PTPRD: variants seen among roughly 807,000 people sequenced by gnomAD.
The protein encoded by PTPRD is receptor-type tyrosine-protein phosphatase delta.
In PTPRD, 34 loss-of-function variants were observed where a neutral mutation model predicts 214.5. The observed-to-expected ratio is 0.16, with a 90% CI of 0.12 to 0.21. The LOEUF (loss-of-function observed/expected upper bound fraction) is 0.21, where lower values mean the gene tolerates loss of function less well. Among genes scored for constraint, PTPRD ranks in the 10% least tolerant of loss-of-function variants. The pLI is 1.00. For synonymous variants in PTPRD, 1,128 were observed against 845.7 expected (o/e 1.33, Z -5.79); for missense variants, 2,545 against 2,398.7 (o/e 1.06, Z -1.27).
intron 11 of PTPRD, among the ~76,000 whole-genome samples, chr9:8,751,370 CTG>C (rs1454178163): frequency 6.6e-6 from 1 of 151,180 alleles, no homozygotes; most frequent in Non-Finnish European, 1.5e-5. Flanking sequence ...ACTTTTCAAT[CTG>C]TGATTCCGGA....
At chr9:9,994,728 T>G (rs751340407) in intron 4 of PTPRD, among the ~76,000 whole-genome samples, 1 of 152,188 alleles carries the variant, frequency 6.6e-6, no homozygotes, top group Non-Finnish European at 1.5e-5. Flanking sequence ...TATTTACAAT[T>G]GAACAAATGT....
intron 6 of PTPRD, among the ~76,000 whole-genome samples, chr9:9,753,149 T>G (rs1180669588): frequency 6.6e-6 from 1 of 152,068 alleles, no homozygotes; most frequent in Non-Finnish European, 1.5e-5. Context: ...ATATTTTCAG[T>G]TTTTATAGGA....
intron 2 of PTPRD, among the ~76,000 whole-genome samples, chr9:10,400,797 C>G (rs1047049439): frequency 6.6e-6 from 1 of 151,518 alleles, no homozygotes; most frequent in African/African-American, 2.4e-5. Context: ...TATTGTCCCT[C>G]ATAACCAATG....
intron 7 of PTPRD, among the ~76,000 whole-genome samples, chr9:9,679,289 A>G (rs1393797513): frequency 6.6e-6 from 1 of 151,734 alleles, no homozygotes; most frequent in African/African-American, 2.4e-5. Context: ...GCTACACACA[A>G]AAGATGGCAC....
At chr9:8,925,306 G>C (rs1379615540) in intron 11 of PTPRD, among the ~76,000 whole-genome samples, 2 of 152,028 alleles carry the variant, frequency 1.3e-5, no homozygotes, top group African/African-American at 2.4e-5. Flanking sequence ...GGCAGGGATG[G>C]TGTAGGATGG....
intron 33 of PTPRD, among the ~76,000 whole-genome samples, chr9:8,450,316 T>C (rs2095885773): frequency 6.6e-6 from 1 of 152,194 alleles, no homozygotes; most frequent in South Asian, 2.1e-4. Context: ...AGAGAGTAGA[T>C]GCCGTAGATT....
At chr9:10,054,181 T>C (rs565014887) in intron 3 of PTPRD, among the ~76,000 whole-genome samples, 3 of 152,278 alleles carry the variant, frequency 2.0e-5, no homozygotes, top group Admixed American at 6.5e-5. Flanking sequence ...CAATGGCCAA[T>C]GATGGAAACA....
intron 5 of PTPRD, among the ~76,000 whole-genome samples, chr9:9,868,035 G>A (rs2064427333): frequency 1.3e-5 from 2 of 152,122 alleles, no homozygotes; most frequent in South Asian, 4.1e-4. Context: ...GACTTGGTAG[G>A]AAAAACGGCC....
chr9:8,947,317 G>C (rs2154299953), intron 11 of PTPRD, among the ~76,000 whole-genome samples: 1 of 151,786 alleles, frequency 6.6e-6, no homozygotes, highest in East Asian at 1.9e-4. Flanking sequence ...CAAAAAGTTA[G>C]CTGGGCATAG....
rs74898324 is a variant in PTPRD, at chr9:8,548,333, G to A, written c.353-19554C>T. The stretch of plus-strand genomic sequence containing the variant: ...ACTGTGACAAGCTGGAAGGAATCTG[G>A]GGTTCATGTGTTAGGTTGTATATGC... On this transcript the variant is annotated intron_variant, in intron 14 of 45. Coordinates refer to ENST00000381196, the MANE Select transcript of PTPRD (RefSeq NM_002839.4). Among the ~76,000 whole-genome samples the A allele has an allele frequency of 6.3e-3, 965 of 152,154 alleles. 4 individuals carry two copies. The highest frequency in any genetic ancestry group is 0.011 in the Non-Finnish European group (726 of 67,974).
chr9:10,074,071 G>C (rs1248980663), intron 3 of PTPRD, among the ~76,000 whole-genome samples: 1 of 152,056 alleles, frequency 6.6e-6, no homozygotes, highest in African/African-American at 2.4e-5. Flanking sequence ...CCTTGTGTAA[G>C]CTGTCACAGA....
At chr9:9,823,003 A>C (rs1433281871) in intron 5 of PTPRD, among the ~76,000 whole-genome samples, 1 of 152,148 alleles carries the variant, frequency 6.6e-6, no homozygotes, top group Non-Finnish European at 1.5e-5. Flanking sequence ...TATACTGAAG[A>C]GGTTTCTACA....
intron 9 of PTPRD, among the ~76,000 whole-genome samples, chr9:9,391,360 A>T (rs571905713): frequency 1.7e-4 from 26 of 152,312 alleles, no homozygotes; most frequent in African/African-American, 6.3e-4. Context: ...TTATCAAAAT[A>T]AAAGAATAAA....
Position 8,317,112 on chromosome 9 carries a change from A to C in PTPRD, c.*762T>G. 4.3e-6 allele frequency: 1 copy of C among 232,032 alleles called. No homozygotes were observed. Among genetic ancestry groups the C allele is most frequent in the Non-Finnish European group, 8.5e-6 (1 of 117,012 alleles). The allele number at this position is 232,032 out of a possible 1,614,324, so 14.4% of individuals were successfully genotyped here. ...CCAATCAAAACTGAAGTGTAAAATTAATATATCTGACGAGACTGATACTGT... is the reference window on the plus strand; with the variant it reads ...CCAATCAAAACTGAAGTGTAAAATTCATATATCTGACGAGACTGATACTGT... On this transcript the variant is annotated 3_prime_UTR_variant, in exon 46 of 46. Coordinates refer to ENST00000381196, the MANE Select transcript of PTPRD (RefSeq NM_002839.4).
chr9:9,218,370 T>C (rs1471447881), intron 9 of PTPRD, among the ~76,000 whole-genome samples: 5 of 152,186 alleles, frequency 3.3e-5, no homozygotes, highest in African/African-American at 4.8e-5. Flanking sequence ...GCCATTTCAA[T>C]GTTAAAACAA....
chr9:8,719,913 T>C (rs1338249282), intron 12 of PTPRD, among the ~76,000 whole-genome samples: 1 of 152,042 alleles, frequency 6.6e-6, no homozygotes, highest in African/African-American at 2.4e-5. Context: ...ATACCATCTG[T>C]GTTACAGTTC....
chr9:9,886,417 C>A (rs2070942323), intron 5 of PTPRD, among the ~76,000 whole-genome samples: 1 of 151,950 alleles, frequency 6.6e-6, no homozygotes, highest in Non-Finnish European at 1.5e-5. Flanking sequence ...GACCTTGAGC[C>A]CGAAACTATT....
At chr9:10,602,849 C>T (rs1334386743) in intron 2 of PTPRD, among the ~76,000 whole-genome samples, 2 of 151,740 alleles carry the variant, frequency 1.3e-5, no homozygotes, top group Non-Finnish European at 2.9e-5. Flanking sequence ...GTGGGGCATG[C>T]ATTAAAATAC....
intron 8 of PTPRD, among the ~76,000 whole-genome samples, chr9:9,518,820 G>A (rs1027943782): frequency 1.3e-5 from 2 of 151,946 alleles, no homozygotes; most frequent in Non-Finnish European, 2.9e-5. Context: ...TAGGAGGCAG[G>A]TAGCTTCCTA....
Sources: gnomAD v4.1 joint callset for allele counts (sites outside exome capture counted in the v4.1 genomes callset) on GRCh38, gnomAD v4.1.1 for gene constraint, MANE v1.5 for transcripts, NCBI Gene and HGNC (gene_info 2026-07-23, HGNC 2026-07-21) for gene names.